The following SNX25 variants were observed in gnomAD, a reference collection of about 807,000 sequenced individuals.
The protein encoded by SNX25 is sorting nexin-25.
SNX25 carries 62 observed loss-of-function variants against 113.7 expected under a neutral mutation model. That is an observed-to-expected ratio of 0.55 (90% CI 0.44 to 0.67). SNX25 has a LOEUF of 0.67. SNX25 is among the 30% of genes least tolerant of loss of function. The pLI, the probability that SNX25 is intolerant of heterozygous loss-of-function variation, is 0.00. For synonymous variants in SNX25, 421 were observed against 436.2 expected, an observed-to-expected ratio of 0.97 and a Z score of 0.43; for missense variants, 1,014 against 1,161.0, an observed-to-expected ratio of 0.87 and a Z score of 1.84.
At chr4:185,306,793 G>A (rs966576167) in intron 6 of SNX25, among the ~76,000 whole-genome samples, 1 of 152,130 alleles carries the variant, frequency 6.6e-6, no homozygotes, top group East Asian at 1.9e-4. Flanking sequence ...CATTTCCTTA[G>A]GTACACTCAC....
At chr4:185,311,368 C>CT (rs1351960683) in intron 7 of SNX25, among the ~76,000 whole-genome samples, 3 of 152,202 alleles carry the variant, frequency 2.0e-5, no homozygotes, top group South Asian at 2.1e-4. Flanking sequence ...TAACATCTCT[C>CT]TGACTGTTTT....
At chr4:185,229,722 AG>A (rs1741543086) in intron 1 of SNX25, among the ~76,000 whole-genome samples, 1 of 152,206 alleles carries the variant, frequency 6.6e-6, no homozygotes, top group Admixed American at 6.5e-5. Flanking sequence ...TCTTCTTTAG[AG>A]GAGTAGGTTT....
intron 12 of SNX25, among the ~76,000 whole-genome samples, chr4:185,342,385 A>G (rs1406317778): frequency 6.6e-6 from 1 of 152,242 alleles, no homozygotes; most frequent in African/African-American, 2.4e-5. Context: ...GTATCTCACA[A>G]CTGGCAGCTG....
Position 185,287,993 on chromosome 4 carries a change from T to C in SNX25, c.1092-19T>C. Reference sequence around the variant, plus strand: ...TTTCTTCCTCTTAAATCTTTTTCTTTTCTCTTTTTAAAAATCAGGTATCAA... The same window carrying C: ...TTTCTTCCTCTTAAATCTTTTTCTTCTCTCTTTTTAAAAATCAGGTATCAA... On this transcript the variant is annotated intron_variant, in intron 5 of 18. Transcript: ENST00000652585. The C allele has an allele frequency of 6.3e-7, 1 of 1,596,128 alleles. No homozygotes were observed. Among genetic ancestry groups the C allele is most frequent in the Non-Finnish European group, 8.6e-7 (1 of 1,166,756 alleles).
chr4:185,304,407 G>C (rs1425160807), intron 6 of SNX25, among the ~76,000 whole-genome samples: 2 of 152,306 alleles, frequency 1.3e-5, no homozygotes, highest in Non-Finnish European at 2.9e-5. Flanking sequence ...TGCCCAGACT[G>C]GAGTGAAATG....
rs191222956 is a variant in SNX25 at position 185,212,219 on chromosome 4, C to T, written c.429+1964C>T. Among the ~76,000 whole-genome samples the T allele has an allele frequency of 5.5e-4, 83 of 152,142 alleles. 1 individual carries two copies. In the East Asian group the frequency reaches 0.015, roughly 27 times the overall value. ...TCTTGAACTCCTGAGCTCAAATGAT[C>T]CGCCCTCCTCAGCCTCGGAAAGTGT... On this transcript the variant is annotated intron_variant, in intron 1 of 18. Transcript: ENST00000652585.
At position 185,339,508 on chromosome 4, in the gene SNX25, G is replaced by C. The variant is rs575286328; in HGVS notation, c.2044G>C (p.Glu682Gln). 2.5e-5 allele frequency: 41 copies of C among 1,609,514 alleles called. No homozygotes were observed. The highest frequency in any genetic ancestry group is 3.4e-5 in the Non-Finnish European group (40 of 1,178,426). Residue 682 changes from glutamate to glutamine, a missense_variant and splice_region_variant, in exon 11 of 19, where the codon GAG (glutamate) becomes CAG (glutamine). Physicochemically the swap from Glu to Gln is conservative, Grantham distance 29. Coordinates refer to ENST00000652585, the MANE Select transcript of SNX25 (RefSeq NM_001378034.2). ...GMWKASITSG[E>Q]VTEENGEQLP... ...GTGGAAAGCCTCCATCACCAGTGGA[G>C]AGGTAGTTTTGACTGCTTTTCCTCT...
chr4:185,303,657 T>TTA lies in SNX25; in HGVS notation c.1163-6978_1163-6977insTA, dbSNP rs1560989132. 3.8e-3 allele frequency among the ~76,000 whole-genome samples: 287 copies of TTA among 74,762 alleles called. 2 individuals are homozygous for TTA. The highest frequency in any genetic ancestry group is 0.018 in the African/African-American group (279 of 15,678). 49.0% of individuals were successfully genotyped at this position (74,762 alleles called of 152,430 possible). On this transcript the variant is annotated intron_variant, in intron 6 of 18. Coordinates refer to ENST00000652585, the MANE Select transcript of SNX25 (RefSeq NM_001378034.2). Reference sequence around the variant, plus strand: ...CTGGGCGACAGAGCGAGACTCTGTCTCAAAAAAAAAAAAAAAAAAAAAAAG... The same window carrying TTA: ...CTGGGCGACAGAGCGAGACTCTGTCTTACAAAAAAAAAAAAAAAAAAAAAAAG...
intron 1 of SNX25, among the ~76,000 whole-genome samples, chr4:185,236,449 C>G (rs1224392197): frequency 6.6e-6 from 1 of 152,040 alleles, no homozygotes; most frequent in Non-Finnish European, 1.5e-5. Flanking sequence ...TCCAAATCCA[C>G]CTATATATTT....
chr4:185,223,142 A>G (rs528432152), intron 1 of SNX25, among the ~76,000 whole-genome samples: 1 of 152,242 alleles, frequency 6.6e-6, no homozygotes, highest in Non-Finnish European at 1.5e-5. Flanking sequence ...TCTCCACCCC[A>G]ATATCAGCAC....
At chr4:185,335,966 G>T (rs1469916731) in intron 10 of SNX25, among the ~76,000 whole-genome samples, 1 of 152,192 alleles carries the variant, frequency 6.6e-6, no homozygotes, top group Non-Finnish European at 1.5e-5. Context: ...TTCTGAGGAA[G>T]GAAAGAGCCC....
At chr4:185,318,237 A>G (rs7658176) in intron 7 of SNX25, among the ~76,000 whole-genome samples, 7 of 152,198 alleles carry the variant, frequency 4.6e-5, no homozygotes, top group African/African-American at 7.2e-5. Context: ...TTTTTATTTA[A>G]TTGCATTTGA....
intron 1 of SNX25, among the ~76,000 whole-genome samples, chr4:185,239,774 C>T (rs201809371): frequency 0.017 from 1,828 of 107,808 alleles, no homozygotes; most frequent in Middle Eastern, 0.027. Flanking sequence ...TTTTTTTTTT[C>T]TTTTTTTTTT....
chr4:185,208,553 C>T (rs527810706), upstream of SNX25, among the ~76,000 whole-genome samples: 41 of 151,828 alleles, frequency 2.7e-4, no homozygotes, highest in African/African-American at 9.2e-4. Flanking sequence ...TATGGTGAAA[C>T]CCCGTCTCTA....
intron 7 of SNX25, among the ~76,000 whole-genome samples, chr4:185,313,826 A>G (rs28444554): frequency 0.07 from 10,623 of 152,270 alleles, 495 homozygotes; most frequent in African/African-American, 0.13. Flanking sequence ...AGCCTTACCA[A>G]TAATAGTCAG....
the SNX25 span, chr4:185,375,868 C>G: frequency 2.1e-6 from 1 of 486,152 alleles, no homozygotes; most frequent in East Asian, 3.4e-5. Context: ...ATGCCCCACG[C>G]TGAGGAAGCA....
rs143538210 is a variant in SNX25 at position 185,335,820 on chromosome 4, T to C, written c.1914+3061T>C. On this transcript the variant is annotated intron_variant, in intron 10 of 18. Coordinates refer to ENST00000652585, the MANE Select transcript of SNX25 (RefSeq NM_001378034.2). ...GTCACTGTGAAGAATCAGTGTAACA[T>C]AGAGTGACACCTGCCCTCAAGGAGC... is the stretch of plus-strand genomic sequence containing the variant. Among the ~76,000 whole-genome samples, 255 of 152,330 alleles carry C rather than the reference T, an allele frequency of 1.7e-3. 1 individual carries two copies. Among genetic ancestry groups the C allele is most frequent in the African/African-American group, 5.9e-3 (245 of 41,566 alleles).
At chr4:185,299,509 A>G (rs1290121356) in intron 6 of SNX25, among the ~76,000 whole-genome samples, 4 of 152,138 alleles carry the variant, frequency 2.6e-5, no homozygotes, top group African/African-American at 9.7e-5. Flanking sequence ...CAGAGTTTGC[A>G]TTACCGACTG....
intron 11 of SNX25, among the ~76,000 whole-genome samples, chr4:185,369,036 C>T (rs2095404316): frequency 6.6e-6 from 1 of 152,014 alleles, no homozygotes. Flanking sequence ...TCAGGTAATC[C>T]TCCCACCTCG....
Sources: gnomAD v4.1 joint callset for allele counts (sites outside exome capture counted in the v4.1 genomes callset) on GRCh38, gnomAD v4.1.1 for gene constraint, MANE v1.5 for transcripts, NCBI Gene and HGNC (gene_info 2026-07-23, HGNC 2026-07-21) for gene names.